ZNF804B: variants seen among roughly 807,000 people sequenced by gnomAD.
ZNF804B encodes the protein zinc finger 804B.
In ZNF804B, 80 loss-of-function variants were observed where a neutral mutation model predicts 101.4. The observed-to-expected ratio is 0.79, with a 90% CI of 0.66 to 0.95. ZNF804B has a LOEUF of 0.95. ZNF804B is among the 40% of genes least tolerant of loss of function. The probability of loss-of-function intolerance (pLI) is 0.00; values close to 1 mark genes in which losing one functional copy is unlikely to be tolerated. For missense variants in ZNF804B, 1,673 were observed against 1,561.9 expected, an observed-to-expected ratio of 1.07 and a Z score of -1.20; for synonymous variants, 622 against 558.8, an observed-to-expected ratio of 1.11 and a Z score of -1.59.
chr7:88,856,883 G>T (rs1791568915), intron 1 of ZNF804B, among the ~76,000 whole-genome samples: 1 of 152,096 alleles, frequency 6.6e-6, no homozygotes. Flanking sequence ...TTTTGTCGTT[G>T]GTTCTGTTTA....
chr7:89,043,733 CTCTG>C (rs776977745), intron 1 of ZNF804B, among the ~76,000 whole-genome samples: 3 of 152,146 alleles, frequency 2.0e-5, no homozygotes, highest in South Asian at 2.1e-4. Flanking sequence ...TTATGATTCA[CTCTG>C]TCTGCTGAAC....
chr7:89,123,810 G>A (rs929924166), intron 1 of ZNF804B, among the ~76,000 whole-genome samples: 1 of 152,146 alleles, frequency 6.6e-6, no homozygotes, highest in Admixed American at 6.5e-5. Flanking sequence ...AATTGGTTTA[G>A]TTGGAATTGT....
intron 1 of ZNF804B, among the ~76,000 whole-genome samples, chr7:88,838,035 C>T (rs1791241258): frequency 6.6e-6 from 1 of 151,372 alleles, no homozygotes; most frequent in African/African-American, 2.4e-5. Flanking sequence ...ATATAACTGA[C>T]TTAAAAAAAT....
intron 1 of ZNF804B, among the ~76,000 whole-genome samples, chr7:88,933,724 C>T (rs577560309): frequency 4.0e-4 from 61 of 151,778 alleles, no homozygotes; most frequent in African/African-American, 1.2e-3. Context: ...AAGATCTTTA[C>T]GATGAAAACT....
At chr7:89,320,505 G>C (rs73210809) in intron 2 of ZNF804B, among the ~76,000 whole-genome samples, 56 of 152,092 alleles carry the variant, frequency 3.7e-4, no homozygotes, top group Admixed American at 9.8e-4. Context: ...CCAAATAACT[G>C]TAATGGAGCA....
intron 2 of ZNF804B, among the ~76,000 whole-genome samples, chr7:89,281,269 A>C (rs548205504): frequency 2.7e-4 from 41 of 152,318 alleles, no homozygotes; most frequent in African/African-American, 8.4e-4. Context: ...CAGGGGAGAA[A>C]AAACCAATAG....
chr7:88,929,043 T>C (rs547197131), intron 1 of ZNF804B, among the ~76,000 whole-genome samples: 8 of 152,174 alleles, frequency 5.3e-5, no homozygotes, highest in African/African-American at 1.9e-4. Flanking sequence ...GTTCAAGTTC[T>C]AATATTACCA....
intron 1 of ZNF804B, among the ~76,000 whole-genome samples, chr7:89,039,358 T>C (rs1788979587): frequency 6.6e-6 from 1 of 152,030 alleles, no homozygotes; most frequent in Admixed American, 6.6e-5. Flanking sequence ...CTTTCCATTA[T>C]TTTGTGTTCT....
intron 1 of ZNF804B, among the ~76,000 whole-genome samples, chr7:88,870,223 A>G (rs1261337415): frequency 6.6e-6 from 1 of 150,858 alleles, no homozygotes; most frequent in Non-Finnish European, 1.5e-5. Flanking sequence ...CGTCTCTACT[A>G]AAAATACAAA....
At chr7:89,018,683 A>G (rs951104113) in intron 1 of ZNF804B, among the ~76,000 whole-genome samples, 1 of 152,104 alleles carries the variant, frequency 6.6e-6, no homozygotes, top group Admixed American at 6.6e-5. Flanking sequence ...TCTTCTTAGT[A>G]TTGGTCTGTT....
intron 1 of ZNF804B, among the ~76,000 whole-genome samples, chr7:89,194,167 T>A (rs1056148659): frequency 6.6e-6 from 1 of 152,146 alleles, no homozygotes; most frequent in Admixed American, 6.5e-5. Context: ...GTTGTTTGTT[T>A]TTTTCTTGTA....
At chr7:89,015,567 A>G (rs1430745168) in intron 1 of ZNF804B, among the ~76,000 whole-genome samples, 1 of 150,956 alleles carries the variant, frequency 6.6e-6, no homozygotes, top group Non-Finnish European at 1.5e-5. Flanking sequence ...ATTCCCACCT[A>G]TGAGTGAGAA....
rs796370487 is a variant in ZNF804B at position 89,227,692 on chromosome 7, G to A, written c.249+9397G>A. On this transcript the variant is annotated intron_variant, in intron 2 of 3. Transcript: ENST00000333190. ...AAAGGATATGAAGGAGCAACCCATA[G>A]AGCCATCTCTCTGAGAGAGAGAGAG... 2.0e-4 allele frequency among the ~76,000 whole-genome samples: 30 copies of A among 152,150 alleles called. 1 individual carries two copies. Among genetic ancestry groups the A allele is most frequent in the African/African-American group, 6.7e-4 (28 of 41,528 alleles).
intron 1 of ZNF804B, among the ~76,000 whole-genome samples, chr7:88,921,878 G>T (rs1191084258): frequency 6.6e-6 from 1 of 152,016 alleles, no homozygotes; most frequent in Non-Finnish European, 1.5e-5. Flanking sequence ...TTAAAAAATT[G>T]ATTGGGGTTA....
chr7:88,982,446 T>TA (rs1171878736), intron 1 of ZNF804B, among the ~76,000 whole-genome samples: 2 of 152,104 alleles, frequency 1.3e-5, no homozygotes, highest in African/African-American at 4.8e-5. Context: ...ATTTTCTCAA[T>TA]GCTTCTTGAA....
intron 1 of ZNF804B, among the ~76,000 whole-genome samples, chr7:88,928,700 G>A (rs113341983): frequency 3.9e-5 from 6 of 152,208 alleles, no homozygotes; most frequent in African/African-American, 1.4e-4. Flanking sequence ...TTGGCATGAT[G>A]CCTGGCATTA....
At chr7:89,231,949 C>T (rs1789198512) in intron 2 of ZNF804B, among the ~76,000 whole-genome samples, 1 of 151,918 alleles carries the variant, frequency 6.6e-6, no homozygotes, top group Non-Finnish European at 1.5e-5. Context: ...CACAGAATTC[C>T]AATGTGGTGT....
intron 1 of ZNF804B, among the ~76,000 whole-genome samples, chr7:89,041,807 G>A (rs1054002183): frequency 3.9e-5 from 6 of 152,054 alleles, no homozygotes; most frequent in African/African-American, 1.2e-4. Flanking sequence ...TCTCATATCT[G>A]TGCCCCACCA....
At chr7:88,963,016 G>C (rs535974182) in intron 1 of ZNF804B, among the ~76,000 whole-genome samples, 1 of 150,760 alleles carries the variant, frequency 6.6e-6, no homozygotes, top group South Asian at 2.1e-4. Flanking sequence ...CATCTAAGAC[G>C]GTCTCAAAAG....
Sources: gnomAD v4.1 joint callset for allele counts (sites outside exome capture counted in the v4.1 genomes callset) on GRCh38, gnomAD v4.1.1 for gene constraint, MANE v1.5 for transcripts, NCBI Gene and HGNC (gene_info 2026-07-23, HGNC 2026-07-21) for gene names.